Variants in LRP1B observed in about 807,000 individuals in gnomAD.
The protein encoded by LRP1B is low-density lipoprotein receptor-related protein 1B.
In LRP1B, 217 loss-of-function variants were observed where a neutral mutation model predicts 556.6. The observed-to-expected ratio is 0.39, with a 90% confidence interval of 0.35 to 0.44. LRP1B has a LOEUF of 0.44. Among genes scored for constraint, LRP1B ranks in the 20% least tolerant of loss-of-function variants. The probability of loss-of-function intolerance (pLI) is 1.00; values close to 1 mark genes in which losing one functional copy is unlikely to be tolerated. For synonymous variants in LRP1B, 2,047 were observed against 1,865.8 expected, an observed-to-expected ratio of 1.10 and a Z score of -2.50; for missense variants, 5,053 against 5,620.8, an observed-to-expected ratio of 0.90 and a Z score of 3.23.
At chr2:140,375,704 T>C (rs1485081801) in intron 68 of LRP1B, among the ~76,000 whole-genome samples, 1 of 152,136 alleles carries the variant, frequency 6.6e-6, no homozygotes, top group Non-Finnish European at 1.5e-5. Context: ...TTATTAACAA[T>C]GTCTATGGAT....
chr2:141,815,750 G>T (rs1399469236), intron 1 of LRP1B, among the ~76,000 whole-genome samples: 3 of 148,926 alleles, frequency 2.0e-5, no homozygotes, highest in African/African-American at 7.4e-5. Context: ...CCCGTTCCAC[G>T]CTGTGGAAGC....
intron 31 of LRP1B, among the ~76,000 whole-genome samples, chr2:140,834,529 C>T (rs572808705): frequency 1.3e-5 from 2 of 152,304 alleles, no homozygotes; most frequent in Admixed American, 6.5e-5. Context: ...TGAGCCCCCG[C>T]GCCTGGCCAT....
chr2:141,753,888 G>A (rs148478442), intron 2 of LRP1B, among the ~76,000 whole-genome samples: 104 of 152,072 alleles, frequency 6.8e-4, no homozygotes, highest in African/African-American at 5.5e-4. Context: ...TTCAGGTACC[G>A]TGTCCAGCTC....
chr2:141,361,941 G>A (rs959553617), intron 3 of LRP1B, among the ~76,000 whole-genome samples: 6 of 151,940 alleles, frequency 3.9e-5, no homozygotes, highest in South Asian at 2.1e-4. Flanking sequence ...CCATCTCAAC[G>A]CCCCCTCTCA....
At chr2:140,951,666 CA>C (rs1425471799) in intron 19 of LRP1B, among the ~76,000 whole-genome samples, 193 bp downstream of exon 19, 2 of 152,168 alleles carry the variant, frequency 1.3e-5, no homozygotes, top group Admixed American at 1.3e-4. Flanking sequence ...ACCCATGGGG[CA>C]AATATTGAGT....
In LRP1B at chr2:140,735,689, G is replaced by T. The variant is rs921835829; in HGVS notation, c.5759-18873C>A. Among the ~76,000 whole-genome samples, 4 of 152,110 alleles carry T rather than the reference G, an allele frequency of 2.6e-5. No homozygotes were observed. The East Asian group carries it at 7.7e-4, about 29-fold the overall frequency. On this transcript the variant is annotated intron_variant, in intron 35 of 90. Transcript: ENST00000389484. Reference sequence around the variant, plus strand: ...CTATGCTAGTACTTCCCTTGTGCTGGTAGATATTACAGAAATATCTCACCT... The same window carrying T: ...CTATGCTAGTACTTCCCTTGTGCTGTTAGATATTACAGAAATATCTCACCT...
Position 142,024,849 on chromosome 2 carries a change from A to G in LRP1B, c.82+105799T>C, listed in dbSNP as rs1703454818. ...ATATCTGGCTCCTGAATACACATTT[A>G]GATAGTTCATTCTTCCATTTGATTA... On this transcript the variant is annotated intron_variant, in intron 1 of 90. Transcript: ENST00000389484. Among the ~76,000 whole-genome samples, 3 of 152,174 alleles carry G rather than the reference A, an allele frequency of 2.0e-5. No homozygotes were observed. The South Asian group carries it at 6.2e-4, about 32-fold the overall frequency.
intron 2 of LRP1B, among the ~76,000 whole-genome samples, chr2:141,718,749 T>C (rs1282915212): frequency 6.6e-6 from 1 of 152,118 alleles, no homozygotes; most frequent in Non-Finnish European, 1.5e-5. Context: ...TAATTTCTAG[T>C]AAAGGAACAG....
chr2:140,849,563 G>A (rs1692393274), intron 29 of LRP1B, among the ~76,000 whole-genome samples: 1 of 151,316 alleles, frequency 6.6e-6, no homozygotes, highest in African/African-American at 2.4e-5. Flanking sequence ...TGGAGAGATG[G>A]AGTTTTGCTC....
chr2:140,450,750 AC>A, intron 62 of LRP1B, 89 bp from the exon 63 acceptor site: 1 of 805,570 alleles, frequency 1.2e-6, no homozygotes, highest in Non-Finnish European at 2.0e-6. Context: ...AGCCTAGTCT[AC>A]TTTTTTGCTG....
intron 6 of LRP1B, among the ~76,000 whole-genome samples, chr2:141,190,093 T>C (rs1266081441): frequency 6.6e-6 from 1 of 151,988 alleles, no homozygotes; most frequent in Non-Finnish European, 1.5e-5. Context: ...TGAGAGAACC[T>C]GCATATCAAG....
chr2:140,617,124 T>C (rs1030612642), intron 41 of LRP1B, among the ~76,000 whole-genome samples: 4 of 152,046 alleles, frequency 2.6e-5, no homozygotes, highest in African/African-American at 9.6e-5. Flanking sequence ...CTCAGTACTA[T>C]TTTAAGAGTT....
intron 3 of LRP1B, among the ~76,000 whole-genome samples, chr2:141,464,606 A>ATATATATATT: frequency 4.4e-4 from 40 of 90,538 alleles, no homozygotes; most frequent in Middle Eastern, 5.5e-3. Context: ...ATATATATAT[A>ATATATATATT]TTTTTTTAGT....
At chr2:141,242,019 G>A (rs1176293812) in intron 5 of LRP1B, among the ~76,000 whole-genome samples, 1 of 151,740 alleles carries the variant, frequency 6.6e-6, no homozygotes, top group Non-Finnish European at 1.5e-5. Flanking sequence ...CTGGTATACT[G>A]AAACAGATCT....
chr2:141,378,573 G>A (rs1392903525), intron 3 of LRP1B, among the ~76,000 whole-genome samples: 3 of 152,052 alleles, frequency 2.0e-5, no homozygotes, highest in African/African-American at 7.2e-5. Flanking sequence ...AGCTGAGGCA[G>A]GATAATTGCT....
At chr2:141,687,734 G>A (rs992455588) in intron 2 of LRP1B, among the ~76,000 whole-genome samples, 8 of 151,828 alleles carry the variant, frequency 5.3e-5, no homozygotes, top group African/African-American at 1.9e-4. Flanking sequence ...CCACGTGAAG[G>A]CTTTTTAGCA....
intron 2 of LRP1B, among the ~76,000 whole-genome samples, chr2:141,710,837 T>C (rs190016074): frequency 6.6e-6 from 1 of 152,306 alleles, no homozygotes; most frequent in Non-Finnish European, 1.5e-5. Context: ...CTTGAGAGCT[T>C]AGCCAAGGTA....
intron 32 of LRP1B, among the ~76,000 whole-genome samples, chr2:140,798,356 G>T (rs564616173): frequency 6.6e-6 from 1 of 152,044 alleles, no homozygotes; most frequent in South Asian, 2.1e-4. Flanking sequence ...ACATTTAAAA[G>T]AAAAAAATAA....
chr2:140,634,438 A>G (rs749310521), intron 41 of LRP1B, among the ~76,000 whole-genome samples: 35 of 152,156 alleles, frequency 2.3e-4, no homozygotes, highest in Non-Finnish European at 4.3e-4. Context: ...ATTCCGAATA[A>G]TTGATATAAA....
Sources: gnomAD v4.1 joint callset for allele counts (sites outside exome capture counted in the v4.1 genomes callset) on GRCh38, gnomAD v4.1.1 for gene constraint, MANE v1.5 for transcripts, NCBI Gene and HGNC (gene_info 2026-07-23, HGNC 2026-07-21) for gene names.